Variants in USP10 observed in about 807,000 individuals in gnomAD.
The protein encoded by USP10 is ubiquitin specific peptidase 10, also known as ubiquitin carboxyl-terminal hydrolase 10.
A neutral mutation model predicts 84.5 loss-of-function variants in USP10; 22 were observed. The ratio of observed to expected loss-of-function variants is 0.26; its 90% CI spans 0.19 to 0.37. The LOEUF is 0.37. Among genes scored for constraint, USP10 ranks in the 10% least tolerant of loss-of-function variants. USP10 has a pLI of 1.00. For missense variants in USP10, 1,019 were observed against 998.9 expected (o/e 1.02, Z -0.27); for synonymous variants, 454 against 387.6 (o/e 1.17, Z -2.01).
chr16:84,745,168 C>A lies in USP10; in HGVS notation c.687C>A (p.Pro229=). The change falls in exon 4 of 14, where the codon CCC becomes CCA. Residue 229 remains proline (P), a synonymous_variant. Transcript: ENST00000219473. The part of the protein sequence containing the change: ...VSDIVPDSPF[P]GALGSDTRTA... The stretch of plus-strand genomic sequence containing the variant: ...ACATTGTGCCTGACAGTCCTTTCCC[C>A]GGAGCACTCGGCAGTGACACCAGGA... 6.2e-7 allele frequency: 1 copy of A among 1,613,320 alleles called. No homozygotes were observed. The highest frequency in any genetic ancestry group is 8.5e-7 in the Non-Finnish European group (1 of 1,179,620).
chr16:84,753,559 C>A (rs1478964314), intron 4 of USP10, among the ~76,000 whole-genome samples: 2 of 152,162 alleles, frequency 1.3e-5, no homozygotes, highest in Admixed American at 1.3e-4. Context: ...GTTCCAGGTG[C>A]GGAGTGATCT....
chr16:84,744,886 G>A lies in USP10; in HGVS notation c.405G>A (p.Leu135=). Residue 135 remains leucine (L), a synonymous_variant, in exon 4 of 14, where the codon TTG becomes TTA. Coordinates refer to ENST00000219473, the MANE Select transcript of USP10 (RefSeq NM_005153.3). ...GTTCTAATGTGGAGGCGGAAGTTTT[G>A]GAAAATGATGGTGTCTCAGGTGGTC... ...DGSSNVEAEV[L]ENDGVSGGLG... 1 of 1,613,692 alleles carries A rather than the reference G, an allele frequency of 6.2e-7. No homozygotes were observed. The highest frequency in any genetic ancestry group is 2.2e-5 in the East Asian group (1 of 44,886).
chr16:84,729,745 C>T lies in USP10; in HGVS notation c.22-3690C>T, dbSNP rs1279886495. ...CATTTAAGGATTAAAATGTGATTCA[C>T]GTGTATTTTGATGGAGTTGTTTTTT... On this transcript the variant is annotated intron_variant, in intron 1 of 13. Coordinates refer to ENST00000219473, the MANE Select transcript of USP10 (RefSeq NM_005153.3). Among the ~76,000 whole-genome samples the T allele has an allele frequency of 2.6e-5, 4 of 152,152 alleles. No homozygotes were observed. The East Asian group carries it at 5.8e-4, about 22-fold the overall frequency.
intron 1 of USP10, among the ~76,000 whole-genome samples, chr16:84,727,373 G>T (rs759511467): frequency 5.3e-5 from 8 of 152,024 alleles, no homozygotes; most frequent in Non-Finnish European, 1.2e-4. Context: ...TAATCTTCCA[G>T]AGGAGAGAAA....
intron 4 of USP10, among the ~76,000 whole-genome samples, chr16:84,750,856 G>T (rs1329363585): frequency 6.6e-6 from 1 of 152,138 alleles, no homozygotes; most frequent in Non-Finnish European, 1.5e-5. Context: ...TTGCGTTGAG[G>T]TATCTAGCAA....
At chr16:84,764,375 C>A in intron 10 of USP10, 112 bp downstream of exon 10, 1 of 1,403,498 alleles carries the variant, frequency 7.1e-7, no homozygotes, top group Non-Finnish European at 9.9e-7. Flanking sequence ...TAATGGTTTG[C>A]ATCTTGCTCC....
intron 2 of USP10, among the ~76,000 whole-genome samples, chr16:84,737,793 A>C (rs1183890991): frequency 6.6e-6 from 1 of 152,104 alleles, no homozygotes; most frequent in African/African-American, 2.4e-5. Flanking sequence ...CCTCCTCCCC[A>C]GAGTTGTTGA....
At chr16:84,759,707 A>G (rs1912979269) in intron 6 of USP10, 184 bp from the exon 7 acceptor site, 2 of 701,010 alleles carry the variant, frequency 2.9e-6, no homozygotes, top group South Asian at 1.9e-5. Flanking sequence ...TTACCAGCAT[A>G]TATCACTTGA....
intron 1 of USP10, chr16:84,733,022 C>G (rs1394380152): frequency 2.3e-6 from 1 of 441,544 alleles, no homozygotes; most frequent in African/African-American, 2.0e-5. Flanking sequence ...CTTGTCTTCC[C>G]ATTTGAACCA....
intron 1 of USP10, among the ~76,000 whole-genome samples, chr16:84,707,737 C>T (rs3764286): frequency 0.71 from 107,632 of 152,082 alleles, 38,368 homozygotes; most frequent in South Asian, 0.76. Flanking sequence ...GGAAGTGCTG[C>T]CACAACTTAT....
intron 1 of USP10, among the ~76,000 whole-genome samples, chr16:84,728,170 T>C (rs1001582846): frequency 6.6e-6 from 1 of 152,184 alleles, no homozygotes; most frequent in Non-Finnish European, 1.5e-5. Flanking sequence ...ACCAGAACAT[T>C]TTAATAGCAG....
intron 1 of USP10, chr16:84,704,995 G>A (rs1220999386): frequency 4.6e-6 from 6 of 1,296,122 alleles, no homozygotes; most frequent in East Asian, 2.5e-5. Flanking sequence ...TACCGTCTGC[G>A]CTGTAATGGT....
chr16:84,767,624 C>T (rs1043867143), intron 10 of USP10, among the ~76,000 whole-genome samples: 3 of 152,084 alleles, frequency 2.0e-5, no homozygotes, highest in African/African-American at 2.4e-5. Context: ...CTTTATGAAC[C>T]GGTGCAGTAA....
chr16:84,735,312 C>G (rs1421620185), intron 2 of USP10, among the ~76,000 whole-genome samples: 1 of 151,766 alleles, frequency 6.6e-6, no homozygotes, highest in African/African-American at 2.4e-5. Context: ...GTTTTAGTTG[C>G]TACAGGTTTT....
intron 1 of USP10, among the ~76,000 whole-genome samples, chr16:84,722,391 T>C (rs1012712203): frequency 5.9e-5 from 9 of 152,388 alleles, no homozygotes; most frequent in Non-Finnish European, 1.2e-4. Context: ...CACATTCATG[T>C]ACAAGTGTCT....
At chr16:84,741,771 C>T (rs557100063) in intron 3 of USP10, among the ~76,000 whole-genome samples, 49 of 152,330 alleles carry the variant, frequency 3.2e-4, no homozygotes, top group Admixed American at 6.5e-4. Context: ...TCTTGTGTTT[C>T]CATGACATTA....
chr16:84,701,394 C>T (rs1904838790), intron 1 of USP10, among the ~76,000 whole-genome samples: 1 of 150,666 alleles, frequency 6.6e-6, no homozygotes. Flanking sequence ...AAAAAGGGAT[C>T]AGTAGTTGAA....
chr16:84,740,692 C>G (rs1910523329), intron 3 of USP10, among the ~76,000 whole-genome samples: 1 of 152,222 alleles, frequency 6.6e-6, no homozygotes, highest in African/African-American at 2.4e-5. Flanking sequence ...AACTTTGGGT[C>G]TTGTTGCTAA....
chr16:84,769,320 C>T (rs913054183), intron 11 of USP10, among the ~76,000 whole-genome samples: 11 of 152,266 alleles, frequency 7.2e-5, no homozygotes, highest in African/African-American at 1.7e-4. Context: ...TTAGCACCTT[C>T]GGGGTGTCCT....
Sources: gnomAD v4.1 joint callset for allele counts (sites outside exome capture counted in the v4.1 genomes callset) on GRCh38, gnomAD v4.1.1 for gene constraint, MANE v1.5 for transcripts, NCBI Gene and HGNC (gene_info 2026-07-23, HGNC 2026-07-21) for gene names.